PRKD1: variants seen among roughly 807,000 people sequenced by gnomAD.
PRKD1 encodes serine/threonine-protein kinase D1.
PRKD1 carries 63 observed loss-of-function variants against 95.9 expected under a neutral mutation model. The observed-to-expected ratio is 0.66, with a 90% CI of 0.54 to 0.81. The LOEUF is 0.81. Among genes scored for constraint, PRKD1 ranks in the 30% least tolerant of loss-of-function variants. PRKD1 has a pLI of 0.00. For missense variants in PRKD1, 1,048 were observed against 1,165.3 expected, an observed-to-expected ratio of 0.90 and a Z score of 1.47; for synonymous variants, 425 against 423.1, an observed-to-expected ratio of 1.00 and a Z score of -0.05.
At chr14:29,681,156 A>G (rs1010576035) in intron 2 of PRKD1, among the ~76,000 whole-genome samples, 1 of 152,232 alleles carries the variant, frequency 6.6e-6, no homozygotes, top group African/African-American at 2.4e-5. Flanking sequence ...GTTTTAAGCC[A>G]GTAAGTTTCT....
At chr14:29,878,083 G>A (rs947908593) in intron 1 of PRKD1, among the ~76,000 whole-genome samples, 21 of 152,236 alleles carry the variant, frequency 1.4e-4, no homozygotes, top group Non-Finnish European at 4.4e-5. Context: ...TCACTTATAA[G>A]TGGGAGCTAA....
intron 6 of PRKD1, 95 bp from the exon 7 acceptor site, chr14:29,636,589 G>GC: frequency 8.1e-7 from 1 of 1,232,400 alleles, no homozygotes; most frequent in Non-Finnish European, 1.2e-6. Flanking sequence ...TCAATTGGAA[G>GC]CCCCAAAGAG....
intron 1 of PRKD1, among the ~76,000 whole-genome samples, chr14:29,850,881 C>T (rs2139337846): frequency 6.8e-6 from 1 of 147,326 alleles, no homozygotes; most frequent in Middle Eastern, 3.4e-3. Context: ...GGCACAAAAA[C>T]AGACAAAAAA....
chr14:29,753,661 T>C (rs1017582430), intron 1 of PRKD1, among the ~76,000 whole-genome samples: 7 of 152,164 alleles, frequency 4.6e-5, no homozygotes, highest in African/African-American at 1.7e-4. Flanking sequence ...GTGTATCTTT[T>C]GTTTGTATGA....
At chr14:29,817,594 G>C (rs902611168) in intron 1 of PRKD1, among the ~76,000 whole-genome samples, 1 of 152,038 alleles carries the variant, frequency 6.6e-6, no homozygotes, top group South Asian at 2.1e-4. Context: ...CTAACTTTAT[G>C]GTTAGATATC....
At chr14:29,577,989 A>G (rs1355541118) in intron 17 of PRKD1, among the ~76,000 whole-genome samples, 3 of 151,776 alleles carry the variant, frequency 2.0e-5, no homozygotes, top group Non-Finnish European at 4.4e-5. Flanking sequence ...GTCTGTTATG[A>G]TCCTTGGTTT....
At chr14:29,639,906 C>T (rs563789000) in intron 4 of PRKD1, among the ~76,000 whole-genome samples, 1 of 151,954 alleles carries the variant, frequency 6.6e-6, no homozygotes, top group South Asian at 2.2e-4. Flanking sequence ...ATTAAATTAA[C>T]TAAAATTAAC....
chr14:29,927,540 C>G lies in PRKD1; in HGVS notation c.-28G>C. ...CTCGGCGGGGCGCAGGGCCGGGCAG[C>G]GGAGGGCGGGGGCTGGCGGCGCGGC... On this transcript the variant is annotated 5_prime_UTR_variant, in exon 1 of 18. Coordinates refer to ENST00000331968, the MANE Select transcript of PRKD1 (RefSeq NM_002742.3). 1 of 1,149,080 alleles carries G rather than the reference C, an allele frequency of 8.7e-7. No individual in the cohort carries two copies. Among genetic ancestry groups the G allele is most frequent in the Non-Finnish European group, 1.1e-6 (1 of 935,662 alleles). The allele number at this position is 1,149,080 out of a possible 1,614,324, so 71.2% of individuals were successfully genotyped here.
chr14:29,688,945 T>C (rs529711998), intron 2 of PRKD1, among the ~76,000 whole-genome samples: 7 of 72,156 alleles, frequency 9.7e-5, no homozygotes, highest in African/African-American at 4.7e-4. Context: ...CGAGACTCCG[T>C]CTCAAAAAAA....
intron 1 of PRKD1, among the ~76,000 whole-genome samples, chr14:29,751,605 T>C (rs765038397): frequency 3.3e-5 from 5 of 152,212 alleles, no homozygotes; most frequent in Non-Finnish European, 7.3e-5. Context: ...AAATACATTA[T>C]GTATCTTTAT....
At chr14:29,647,838 A>G (rs1167076430) in intron 4 of PRKD1, among the ~76,000 whole-genome samples, 2 of 152,196 alleles carry the variant, frequency 1.3e-5, no homozygotes, top group Admixed American at 6.5e-5. Flanking sequence ...ACGTGTCCTG[A>G]AAGACTGAGC....
At position 29,888,279 on chromosome 14, in the gene PRKD1, G is replaced by A. The variant is rs376848713; in HGVS notation, c.264+38970C>T. ...TGCACTCCAGCCTGGGTGACAGAGC[G>A]AGAAGAAAGAAAGAGAGAAAGAGAG... On this transcript the variant is annotated intron_variant, in intron 1 of 17. Coordinates refer to ENST00000331968, the MANE Select transcript of PRKD1 (RefSeq NM_002742.3). Among the ~76,000 whole-genome samples the A allele has an allele frequency of 9.6e-4, 145 of 151,612 alleles. 3 individuals carry two copies. Among genetic ancestry groups the A allele is most frequent in the African/African-American group, 3.3e-3 (138 of 41,278 alleles).
chr14:29,811,554 C>T (rs1288030449), intron 1 of PRKD1, among the ~76,000 whole-genome samples: 3 of 152,192 alleles, frequency 2.0e-5, no homozygotes, highest in Admixed American at 6.5e-5. Context: ...CTAGAAGGGG[C>T]GGCCACATCT....
intron 1 of PRKD1, among the ~76,000 whole-genome samples, chr14:29,919,338 T>C (rs1895001901): frequency 6.6e-6 from 1 of 152,258 alleles, no homozygotes; most frequent in Non-Finnish European, 1.5e-5. Context: ...TGAATATGCA[T>C]TGTTTTTGTA....
At chr14:29,715,079 G>A (rs1472225906) in intron 2 of PRKD1, among the ~76,000 whole-genome samples, 1 of 151,912 alleles carries the variant, frequency 6.6e-6, no homozygotes, top group Non-Finnish European at 1.5e-5. Flanking sequence ...TGCATGTTCT[G>A]CACATGTACC....
At chr14:29,608,295 TA>T (rs1247112423) in intron 13 of PRKD1, among the ~76,000 whole-genome samples, 3 of 151,934 alleles carry the variant, frequency 2.0e-5, no homozygotes, top group African/African-American at 7.2e-5. Flanking sequence ...AGGATACAAA[TA>T]AAAAAAGAAT....
intron 2 of PRKD1, among the ~76,000 whole-genome samples, chr14:29,689,101 A>C (rs1884073829): frequency 6.6e-6 from 1 of 152,044 alleles, no homozygotes; most frequent in Non-Finnish European, 1.5e-5. Flanking sequence ...ACAAAAGCCA[A>C]AAAATGACAA....
intron 1 of PRKD1, among the ~76,000 whole-genome samples, chr14:29,835,996 A>T (rs964885616): frequency 1.3e-5 from 2 of 152,232 alleles, no homozygotes; most frequent in African/African-American, 4.8e-5. Context: ...TGTATAAGAA[A>T]TATTATTTAA....
rs528421173 is a variant in PRKD1 at position 29,622,912 on chromosome 14, G to A, written c.1905+1240C>T. 1.7e-4 allele frequency among the ~76,000 whole-genome samples: 26 copies of A among 152,222 alleles called. No individual in the cohort carries two copies. The South Asian group carries it at 4.6e-3, about 27-fold the overall frequency. On this transcript the variant is annotated intron_variant, in intron 13 of 17. Transcript: ENST00000331968. ...AATGAAGAATAAATATCTCCTGTAC[G>A]CATGCTAACTCTGTATTCCTTCCCT...
Sources: allele counts gnomAD v4.1 joint callset (sites outside exome capture counted in the v4.1 genomes callset), GRCh38; gene constraint gnomAD v4.1.1; transcripts MANE v1.5; gene names NCBI Gene and HGNC (gene_info 2026-07-23, HGNC 2026-07-21).